The following GRM1 variants were observed in gnomAD, a reference collection of about 807,000 sequenced individuals.
GRM1 encodes the protein glutamate metabotropic receptor 1, also known as metabotropic glutamate receptor 1.
In GRM1, 33 loss-of-function variants were observed where a neutral mutation model predicts 90.9. That is an observed-to-expected ratio of 0.36 (90% CI 0.28 to 0.49). The LOEUF is 0.49. Ranked by LOEUF, GRM1 falls within the 20% of genes least tolerant of loss-of-function variation. The pLI is 0.99. For missense variants in GRM1, 1,190 were observed against 1,534.3 expected, an observed-to-expected ratio of 0.78 and a Z score of 3.75; for synonymous variants, 700 against 613.2, an observed-to-expected ratio of 1.14 and a Z score of -2.09.
intron 2 of GRM1, among the ~76,000 whole-genome samples, chr6:146,292,958 A>C (rs1445624976): frequency 6.6e-6 from 1 of 152,052 alleles, no homozygotes; most frequent in Non-Finnish European, 1.5e-5. Context: ...AAGCACTGAT[A>C]TACACCACAA....
chr6:146,267,706 G>GGC (rs1781967128), intron 2 of GRM1, among the ~76,000 whole-genome samples: 35 of 94,934 alleles, frequency 3.7e-4, no homozygotes, highest in Non-Finnish European at 6.7e-4. Context: ...GGCTCGGCTC[G>GGC]TCTCGTCTCG....
rs571263933 is a variant in GRM1 at position 146,085,564 on chromosome 6, A to G, written c.700+55347A>G. 2.6e-5 allele frequency among the ~76,000 whole-genome samples: 4 copies of G among 152,272 alleles called. No individual in the cohort carries two copies. In the East Asian group the frequency reaches 7.7e-4, roughly 29 times the overall value. ...CTAGACCCTTTGTTAAATATAAGTG[A>G]CAAGCTTTAGAAGTTTTATTTCAGT... On this transcript the variant is annotated intron_variant, in intron 1 of 7. Coordinates refer to ENST00000282753, the MANE Select transcript of GRM1 (RefSeq NM_001278064.2).
At chr6:146,245,052 A>T (rs112752710) in intron 2 of GRM1, among the ~76,000 whole-genome samples, 30 of 152,298 alleles carry the variant, frequency 2.0e-4, no homozygotes, top group African/African-American at 6.7e-4. Context: ...TGTTTGGTAA[A>T]GTGATAAATT....
chr6:146,284,485 G>A (rs1782688185), intron 2 of GRM1, among the ~76,000 whole-genome samples: 1 of 152,148 alleles, frequency 6.6e-6, no homozygotes, highest in Non-Finnish European at 1.5e-5. Flanking sequence ...TCACTTCTGT[G>A]AATTTTAATC....
intron 2 of GRM1, among the ~76,000 whole-genome samples, chr6:146,270,992 T>G (rs1435973920): frequency 1.5e-5 from 2 of 133,764 alleles, no homozygotes; most frequent in Non-Finnish European, 1.5e-5. Flanking sequence ...CTCTCTTTCT[T>G]TCCTTCTTTC....
intron 1 of GRM1, among the ~76,000 whole-genome samples, chr6:146,094,961 G>A (rs1487885660): frequency 2.6e-5 from 4 of 152,010 alleles, no homozygotes; most frequent in African/African-American, 9.7e-5. Context: ...TGCTATTAGT[G>A]AATTCAGATG....
intron 2 of GRM1, among the ~76,000 whole-genome samples, chr6:146,268,115 C>T (rs1299176044): frequency 6.6e-6 from 1 of 152,220 alleles, no homozygotes; most frequent in Non-Finnish European, 1.5e-5. Context: ...AACCACTTTG[C>T]TTTCCACCTC....
chr6:146,416,636 C>G (rs1484876913), intron 7 of GRM1, among the ~76,000 whole-genome samples: 2 of 152,088 alleles, frequency 1.3e-5, no homozygotes, highest in Non-Finnish European at 2.9e-5. Flanking sequence ...ATATGTTTCT[C>G]CTTTACGTTA....
chr6:146,158,011 C>T (rs1777580214), intron 1 of GRM1, among the ~76,000 whole-genome samples: 1 of 151,868 alleles, frequency 6.6e-6, no homozygotes, highest in Admixed American at 6.6e-5. Context: ...TAATTTATTC[C>T]TTCTGTAAGA....
intron 2 of GRM1, among the ~76,000 whole-genome samples, chr6:146,192,426 T>C (rs1308296670): frequency 6.6e-6 from 1 of 152,186 alleles, no homozygotes; most frequent in Non-Finnish European, 1.5e-5. Flanking sequence ...CACTTGGCCT[T>C]ATACAAAACC....
chr6:146,402,533 G>C (rs979906886), intron 7 of GRM1, among the ~76,000 whole-genome samples: 7 of 151,984 alleles, frequency 4.6e-5, no homozygotes, highest in African/African-American at 1.7e-4. Flanking sequence ...GAAGCAAAGG[G>C]GCTAAAAACT....
In GRM1 at chr6:146,434,724, C is replaced by T; in HGVS notation, c.3513C>T (p.Leu1171=). The T allele has an allele frequency of 1.2e-6, 2 of 1,601,562 alleles. No homozygotes were observed. Among genetic ancestry groups the T allele is most frequent in the Non-Finnish European group, 1.7e-6 (2 of 1,179,912 alleles). The change falls in exon 8 of 8, where the codon CTC becomes CTT. Residue 1171 remains leucine, a synonymous_variant. Transcript: ENST00000282753. The stretch of plus-strand genomic sequence containing the variant: ...GCTCCCCCGTGTCCGAGTCGGTGCT[C>T]TGCACCCCTCCCAACGTATCCTACG... ...VPSSPVSESV[L]CTPPNVSYAS... is the part of the protein sequence containing the mutation.
chr6:146,116,938 A>G (rs1200142571), intron 1 of GRM1, among the ~76,000 whole-genome samples: 1 of 150,896 alleles, frequency 6.6e-6, no homozygotes, highest in Non-Finnish European at 1.5e-5. Flanking sequence ...CACCACCCCC[A>G]CTCCCATTTT....
intron 1 of GRM1, among the ~76,000 whole-genome samples, chr6:146,066,281 C>T (rs1775844991): frequency 6.6e-6 from 1 of 152,138 alleles, no homozygotes; most frequent in Non-Finnish European, 1.5e-5. Context: ...ACTATGTATA[C>T]TCAGATTTTA....
At chr6:146,393,346 G>T (rs952164144) in intron 6 of GRM1, among the ~76,000 whole-genome samples, 11 of 152,024 alleles carry the variant, frequency 7.2e-5, no homozygotes, top group Non-Finnish European at 1.0e-4. Flanking sequence ...AGAAGTTTCT[G>T]TTCGTATCCT....
At chr6:146,131,000 G>T (rs1030053982) in intron 1 of GRM1, among the ~76,000 whole-genome samples, 1 of 151,994 alleles carries the variant, frequency 6.6e-6, no homozygotes, top group Non-Finnish European at 1.5e-5. Flanking sequence ...TAGTAAACTG[G>T]GAGATCCAGG....
chr6:146,312,636 A>G (rs1018084880), intron 3 of GRM1, among the ~76,000 whole-genome samples: 1 of 152,194 alleles, frequency 6.6e-6, no homozygotes, highest in Non-Finnish European at 1.5e-5. Flanking sequence ...AACTTCTACT[A>G]TTGCAGAAAG....
At chr6:146,044,861 G>A (rs1199223924) in intron 1 of GRM1, among the ~76,000 whole-genome samples, 1 of 151,728 alleles carries the variant, frequency 6.6e-6, no homozygotes, top group African/African-American at 2.4e-5. Flanking sequence ...GTTATTTTAG[G>A]CTCTCCTTGG....
chr6:146,361,470 G>A lies in GRM1; in HGVS notation c.1602+3776G>A, dbSNP rs546988630. Among the ~76,000 whole-genome samples the A allele has an allele frequency of 2.0e-5, 3 of 152,268 alleles. No individual in the cohort carries two copies. In the South Asian group the frequency reaches 6.2e-4, roughly 32 times the overall value. On this transcript the variant is annotated intron_variant, in intron 5 of 7. Transcript: ENST00000282753. ...TACAGAACCCACTGCTGTTTTCCTT[G>A]CTGTAGTGAAGGACAGGAAAGGGGT... is the stretch of plus-strand genomic sequence containing the variant.
Sources: gnomAD v4.1 joint callset for allele counts (sites outside exome capture counted in the v4.1 genomes callset) on GRCh38, gnomAD v4.1.1 for gene constraint, MANE v1.5 for transcripts, NCBI Gene and HGNC (gene_info 2026-07-23, HGNC 2026-07-21) for gene names.